Variants in PLEKHH2 observed in about 807,000 individuals in gnomAD.
The protein encoded by PLEKHH2 is pleckstrin homology domain-containing family H member 2.
Under a neutral mutation model 187.9 loss-of-function variants are expected in PLEKHH2, and 129 were observed. The ratio of observed to expected loss-of-function variants is 0.69; its 90% CI spans 0.59 to 0.79. The LOEUF (loss-of-function observed/expected upper bound fraction) is 0.79. Ranked by LOEUF, PLEKHH2 falls within the 30% of genes least tolerant of loss-of-function variation. The probability of loss-of-function intolerance (pLI) is 0.00; values close to 1 mark genes in which losing one functional copy is unlikely to be tolerated. For synonymous variants in PLEKHH2, 686 were observed against 605.6 expected (o/e 1.13, Z -1.95); for missense variants, 2,076 against 1,751.2 (o/e 1.19, Z -3.31).
intron 2 of PLEKHH2, chr2:43,675,951 G>A (rs1572530075): frequency 1.2e-6 from 2 of 1,613,976 alleles, no homozygotes; most frequent in East Asian, 4.5e-5. Context: ...AGACGTATTT[G>A]TAAGCGGTCC....
At chr2:43,682,552 C>CT (rs1258591225) in intron 3 of PLEKHH2, among the ~76,000 whole-genome samples, 1 of 152,130 alleles carries the variant, frequency 6.6e-6, no homozygotes, top group East Asian at 1.9e-4. Context: ...TGATTTGCCC[C>CT]CCTTGGCCTC....
At chr2:43,702,405 T>C (rs2104492641) in intron 8 of PLEKHH2, among the ~76,000 whole-genome samples, 1 of 152,304 alleles carries the variant, frequency 6.6e-6, no homozygotes, top group South Asian at 2.1e-4. Context: ...ATCTCTGGAA[T>C]TCTAATTATG....
intron 24 of PLEKHH2, among the ~76,000 whole-genome samples, chr2:43,747,112 C>A (rs1290194496): frequency 1.1e-5 from 1 of 87,244 alleles, no homozygotes; most frequent in Non-Finnish European, 2.4e-5. Flanking sequence ...CTCTCTCCCT[C>A]TCTCTCTCTC....
chr2:43,753,595 G>T, intron 24 of PLEKHH2, 24 bp from the exon 25 acceptor site: 4 of 1,430,054 alleles, frequency 2.8e-6, no homozygotes, highest in South Asian at 1.7e-5. Context: ...AATTTAATGA[G>T]AAATTTACTC....
In PLEKHH2 at chr2:43,728,631, G is replaced by T. The variant is rs185038024; in HGVS notation, c.2722-1006G>T. On this transcript the variant is annotated intron_variant, in intron 17 of 29. Transcript: ENST00000282406. ...GGCTGGAGTGCAGTGGCGTGATCTC[G>T]GCTCACTGCAACCTCCGCCTCCTGG... Among the ~76,000 whole-genome samples the T allele has an allele frequency of 7.3e-3, 1,081 of 148,608 alleles. 15 individuals are homozygous for T. The highest frequency in any genetic ancestry group is 0.025 in the African/African-American group (1,026 of 40,388).
intron 8 of PLEKHH2, among the ~76,000 whole-genome samples, chr2:43,701,567 G>A (rs1669367078): frequency 6.6e-6 from 1 of 152,030 alleles, no homozygotes; most frequent in Non-Finnish European, 1.5e-5. Flanking sequence ...GTCGTTATTT[G>A]ATTGGCTTTA....
chr2:43,674,122 T>C lies in PLEKHH2; in HGVS notation c.124-4741T>C, dbSNP rs142538305. ...AATATCTACTATGTAGAAAGACCTG[T>C]ATTAGTTATGTAACAGTGAAGCAAG... is the stretch of plus-strand genomic sequence containing the variant. On this transcript the variant is annotated intron_variant, in intron 2 of 29. Coordinates refer to ENST00000282406, the MANE Select transcript of PLEKHH2 (RefSeq NM_172069.4). Among the ~76,000 whole-genome samples, 38 of 152,350 alleles carry C rather than the reference T, an allele frequency of 2.5e-4. 1 individual carries two copies. The East Asian group carries it at 7.1e-3, about 29-fold the overall frequency.
intron 17 of PLEKHH2, 39 bp downstream of exon 17, chr2:43,726,490 A>G (rs1464636187): frequency 1.3e-6 from 2 of 1,495,622 alleles, no homozygotes; most frequent in Non-Finnish European, 1.8e-6. Context: ...AATGATGTAG[A>G]CTAATATTAT....
At chr2:43,641,532 G>C (rs1276521661) in intron 1 of PLEKHH2, among the ~76,000 whole-genome samples, 2 of 151,858 alleles carry the variant, frequency 1.3e-5, no homozygotes, top group African/African-American at 2.4e-5. Flanking sequence ...GCTACCTTTA[G>C]TGTTAGTGTA....
intron 2 of PLEKHH2, among the ~76,000 whole-genome samples, chr2:43,678,480 C>G (rs527349978): frequency 2.6e-4 from 40 of 152,130 alleles, no homozygotes; most frequent in African/African-American, 9.7e-4. Flanking sequence ...GGCCGAGGCT[C>G]GCAGATCACT....
chr2:43,754,586 G>T lies in PLEKHH2; in HGVS notation c.3795+826G>T, dbSNP rs535603600. Among the ~76,000 whole-genome samples, 454 of 152,224 alleles carry T rather than the reference G, an allele frequency of 3.0e-3. 3 individuals are homozygous for T. The highest frequency in any genetic ancestry group is 6.8e-3 in the Middle Eastern group (2 of 294). Reference sequence around the variant, plus strand: ...GGCAGTGTGCCCAGCTAAATTTAAGGTTTTTCTTAAGAAGGAGAGAATGGT... The same window carrying T: ...GGCAGTGTGCCCAGCTAAATTTAAGTTTTTTCTTAAGAAGGAGAGAATGGT... On this transcript the variant is annotated intron_variant, in intron 25 of 29. Coordinates refer to ENST00000282406, the MANE Select transcript of PLEKHH2 (RefSeq NM_172069.4).
chr2:43,673,714 G>T (rs562215997), intron 2 of PLEKHH2, among the ~76,000 whole-genome samples: 1 of 152,268 alleles, frequency 6.6e-6, no homozygotes, highest in African/African-American at 2.4e-5. Context: ...TGAAATAAGT[G>T]TTGTATCATT....
Position 43,765,606 on chromosome 2 carries a change from G to C in PLEKHH2, c.*8G>C, listed in dbSNP as rs1188999901. On this transcript the variant is annotated 3_prime_UTR_variant, in exon 30 of 30. Transcript: ENST00000282406. ...GGCCCCACCTTACTCTGAAAGCTGG[G>C]GAGCCTGAACATTCACTCCTTGTCC... is the stretch of plus-strand genomic sequence containing the variant. 1 of 1,611,722 alleles carries C rather than the reference G, an allele frequency of 6.2e-7. No homozygotes were observed. The highest frequency in any genetic ancestry group is 1.1e-5 in the South Asian group (1 of 90,714).
intron 2 of PLEKHH2, among the ~76,000 whole-genome samples, chr2:43,645,307 T>G (rs1213755769): frequency 6.6e-6 from 1 of 152,154 alleles, no homozygotes. Flanking sequence ...TTCATTTATA[T>G]TACAGGAATT....
intron 3 of PLEKHH2, chr2:43,681,219 G>A (rs2104434150): frequency 1.5e-6 from 1 of 660,830 alleles, no homozygotes; most frequent in East Asian, 2.6e-5. Flanking sequence ...GTTTCTCCAT[G>A]TATTATTAAA....
At chr2:43,722,660 G>A (rs1670539018) in intron 16 of PLEKHH2, among the ~76,000 whole-genome samples, 1 of 152,178 alleles carries the variant, frequency 6.6e-6, no homozygotes, top group Admixed American at 6.5e-5. Context: ...GTGATTGGAA[G>A]GCCAAGTTTA....
chr2:43,699,284 T>C (rs1156717887), intron 7 of PLEKHH2, among the ~76,000 whole-genome samples: 1 of 152,214 alleles, frequency 6.6e-6, no homozygotes. Flanking sequence ...GCTCTGAGTT[T>C]TATATAAAGC....
chr2:43,748,562 C>G (rs1480732066), intron 24 of PLEKHH2, among the ~76,000 whole-genome samples: 2 of 152,230 alleles, frequency 1.3e-5, no homozygotes, highest in Non-Finnish European at 2.9e-5. Context: ...CCCACTGAGT[C>G]AGAATTTCCG....
Position 43,681,385 on chromosome 2 carries a change from G to A in PLEKHH2, c.186+2460G>A. 12 of 1,524,584 alleles carry A rather than the reference G, an allele frequency of 7.9e-6. No individual in the cohort carries two copies. In the South Asian group the frequency reaches 1.2e-4, roughly 15 times the overall value. The allele number at this position is 1,524,584 out of a possible 1,614,324, so 94.4% of individuals were successfully genotyped here. ...TTTACTTCTTGGCTGCTACTGGAAG[G>A]TTCTTGTCGACTTTGTTCTTTCCTT... is the stretch of plus-strand genomic sequence containing the variant. On this transcript the variant is annotated intron_variant, in intron 3 of 29. Transcript: ENST00000282406.
Sources: gnomAD v4.1 joint callset for allele counts (sites outside exome capture counted in the v4.1 genomes callset) on GRCh38, gnomAD v4.1.1 for gene constraint, MANE v1.5 for transcripts, NCBI Gene and HGNC (gene_info 2026-07-23, HGNC 2026-07-21) for gene names.